Variants in ZNF227 observed in about 807,000 individuals in gnomAD.
The protein encoded by ZNF227 is zinc finger protein 227.
ZNF227 carries 12 observed loss-of-function variants against 13.2 expected under a neutral mutation model. The observed-to-expected ratio is 0.91, with a 90% CI of 0.58 to 1.47. ZNF227 has a LOEUF of 1.47. Ranked by LOEUF, ZNF227 falls within the 40% of genes most tolerant of loss-of-function variation. The pLI is 0.00. For missense variants in ZNF227, 885 were observed against 967.5 expected (o/e 0.91, Z 1.13); for synonymous variants, 338 against 326.0 (o/e 1.04, Z -0.40).
chr19:44,228,862 G>A (rs745802085), intron 4 of ZNF227: 29 of 420,878 alleles, frequency 6.9e-5, no homozygotes, highest in African/African-American at 5.7e-4. Flanking sequence ...GCATTTTGTG[G>A]GTAGTATCCA....
rs1424370771 is a variant in ZNF227 at position 44,230,939 on chromosome 19, A to C, written c.271+1123A>C. On this transcript the variant is annotated intron_variant, in intron 5 of 5. Transcript: ENST00000313040. ...AAAAAAAAAAAAAATATATATATAT[A>C]TATATATATATATATCTTAGCCAGG... Among the ~76,000 whole-genome samples the C allele has an allele frequency of 5.4e-4, 73 of 135,630 alleles. 2 individuals carry two copies. The highest frequency in any genetic ancestry group is 1.7e-3 in the African/African-American group (56 of 33,154). 89.0% of individuals were successfully genotyped at this position (135,630 alleles called of 152,430 possible).
chr19:44,223,899 T>C (rs1216425061), intron 3 of ZNF227, among the ~76,000 whole-genome samples: 1 of 152,198 alleles, frequency 6.6e-6, no homozygotes, highest in Non-Finnish European at 1.5e-5. Flanking sequence ...CTTGTGGGCA[T>C]TTAGTGCTAT....
Position 44,236,796 on chromosome 19 carries a change from A to G in ZNF227, c.2366A>G (p.Tyr789Cys). The change falls in exon 6 of 6, where the codon TAT becomes TGT. Residue 789 changes from tyrosine to cysteine, a missense_variant. Coordinates refer to ENST00000313040, the MANE Select transcript of ZNF227 (RefSeq NM_182490.3). ...KDFRHRSRLT[Y>C]HQKVHTGKKL is the part of the protein sequence containing the mutation. ...TTCCGTCACCGTTCACGTCTTACAT[A>G]TCATCAGAAAGTCCATACTGGTAAA... is the stretch of plus-strand genomic sequence containing the variant. 6.3e-7 allele frequency: 1 copy of G among 1,596,212 alleles called. No individual in the cohort carries two copies. The highest frequency in any genetic ancestry group is 8.5e-7 in the Non-Finnish European group (1 of 1,171,690).
chr19:44,217,721 C>G (rs1972037986), intron 2 of ZNF227, 70 bp from the exon 3 acceptor site: 3 of 1,536,052 alleles, frequency 2.0e-6, no homozygotes, highest in Non-Finnish European at 2.7e-6. Flanking sequence ...GGCTATTTCT[C>G]TAATTTCCTC....
chr19:44,223,597 G>C (rs1972777958), intron 3 of ZNF227, among the ~76,000 whole-genome samples: 1 of 152,190 alleles, frequency 6.6e-6, no homozygotes, highest in African/African-American at 2.4e-5. Context: ...ATTTCTGTGG[G>C]ATCAGTGGTG....
upstream of ZNF227, among the ~76,000 whole-genome samples, chr19:44,210,612 G>T (rs1197990777): frequency 1.3e-5 from 2 of 152,316 alleles, no homozygotes; most frequent in Admixed American, 1.3e-4. Flanking sequence ...AGAGTAGCAG[G>T]TTATGACAGA....
At chr19:44,217,008 G>A (rs1179649243) in intron 2 of ZNF227, among the ~76,000 whole-genome samples, 1 of 140,962 alleles carries the variant, frequency 7.1e-6, no homozygotes, top group African/African-American at 2.7e-5. Flanking sequence ...TGTCATCCAG[G>A]TTGGAGTTCA....
At position 44,236,506 on chromosome 19, in the gene ZNF227, G is replaced by C; in HGVS notation, c.2076G>C (p.Glu692Asp). Reference sequence around the variant, plus strand: ...GAGAAAAACCTTACAAATGTGAAGAGTGTGGGAAAGGCTTTGGTAGGAGCT... The same window carrying C: ...GAGAAAAACCTTACAAATGTGAAGACTGTGGGAAAGGCTTTGGTAGGAGCT... ...HTGEKPYKCE[E>D]CGKGFGRSLN... The change falls in exon 6 of 6, where the codon GAG becomes GAC. Residue 692 changes from glutamate to aspartate, a missense_variant. By Grantham distance (45) the Glu-to-Asp change is conservative. Transcript: ENST00000313040. 1 of 1,613,662 alleles carries C rather than the reference G, an allele frequency of 6.2e-7. No homozygotes were observed. Among genetic ancestry groups the C allele is most frequent in the South Asian group, 1.1e-5 (1 of 91,066 alleles).
At position 44,228,573 on chromosome 19, in the gene ZNF227, G is replaced by C; in HGVS notation, c.187+1G>C. ...AACTTCAAGAACCTGGTTGCAGTGG[G>C]TGAGGACAGGCACTCTCTGACCCTG... On this transcript the variant is annotated splice_donor_variant, in intron 4 of 5. Transcript: ENST00000313040. LOFTEE classifies it high-confidence loss of function. 1 of 1,610,208 alleles carries C rather than the reference G, an allele frequency of 6.2e-7. No homozygotes were observed. Among genetic ancestry groups the C allele is most frequent in the Non-Finnish European group, 8.5e-7 (1 of 1,178,738 alleles).
upstream of ZNF227, among the ~76,000 whole-genome samples, chr19:44,209,792 T>C (rs376478938): frequency 3.9e-5 from 6 of 152,166 alleles, no homozygotes; most frequent in East Asian, 1.2e-3. Flanking sequence ...TTCACCGTGT[T>C]AGCCAGGATG....
chr19:44,214,677 C>T (rs1454321493), intron 2 of ZNF227, among the ~76,000 whole-genome samples: 2 of 152,072 alleles, frequency 1.3e-5, no homozygotes, highest in Non-Finnish European at 2.9e-5. Flanking sequence ...TGCGCCCAGC[C>T]GAAAAATTTC....
At position 44,235,751 on chromosome 19, in the gene ZNF227, T is replaced by C. The variant is rs748790757; in HGVS notation, c.1321T>C (p.Cys441Arg). The change falls in exon 6 of 6, where the codon TGT becomes CGT. Residue 441 changes from cysteine (C) to arginine (R), a missense_variant. By Grantham distance (180) the Cys-to-Arg change is radical. Coordinates refer to ENST00000313040, the MANE Select transcript of ZNF227 (RefSeq NM_182490.3). ...TGEKPYKCDV[C>R]GKGFSHNSPL... ...AGAGAAACCCTACAAGTGTGATGTG[T>C]GTGGTAAGGGCTTCAGCCACAATTC... is the stretch of plus-strand genomic sequence containing the variant. 3 of 1,613,838 alleles carry C rather than the reference T, an allele frequency of 1.9e-6. No homozygotes were observed. The highest frequency in any genetic ancestry group is 2.5e-6 in the Non-Finnish European group (3 of 1,179,980).
At chr19:44,230,926 A>AAAAAAAAAAAAATATATAT (rs1555792168) in intron 5 of ZNF227, among the ~76,000 whole-genome samples, 2 of 68,136 alleles carry the variant, frequency 2.9e-5, no homozygotes, top group African/African-American at 2.0e-4. Context: ...AAAAAAAAAA[A>AAAAAAAAAAAAATATATAT]ATATATATAT....
chr19:44,233,907 T>A (rs974437266), intron 5 of ZNF227, among the ~76,000 whole-genome samples: 17 of 150,658 alleles, frequency 1.1e-4, no homozygotes, highest in African/African-American at 2.9e-4. Context: ...AAAAAAAAAA[T>A]GGCGTATGGT....
At chr19:44,217,401 C>G in intron 2 of ZNF227, 2 of 471,484 alleles carry the variant, frequency 4.2e-6, no homozygotes, top group Non-Finnish European at 8.4e-6. Context: ...TGATTCTTAC[C>G]ATATCCTCAT....
At position 44,236,632 on chromosome 19, in the gene ZNF227, C is replaced by T. The variant is rs1974537994; in HGVS notation, c.2202C>T (p.His734=). ...GTCTCCCCTCAAATCTTCGAGTCCA[C>T]CTGGGTGTTCACACCAGGGAAAAAC... The part of the protein sequence containing the change: ...AFSLPSNLRV[H]LGVHTREKLF... Residue 734 remains histidine, a synonymous_variant, in exon 6 of 6, where the codon CAC becomes CAT. Transcript: ENST00000313040. The T allele has an allele frequency of 6.2e-7, 1 of 1,613,360 alleles. No individual in the cohort carries two copies. The highest frequency in any genetic ancestry group is 8.5e-7 in the Non-Finnish European group (1 of 1,179,882).
At chr19:44,233,180 T>TA (rs1974033296) in intron 5 of ZNF227, among the ~76,000 whole-genome samples, 1 of 152,136 alleles carries the variant, frequency 6.6e-6, no homozygotes, top group South Asian at 2.1e-4. Flanking sequence ...AACCACCCCC[T>TA]AAACATTTTA....
chr19:44,230,920 A>T (rs1338418727), intron 5 of ZNF227, among the ~76,000 whole-genome samples: 4 of 111,828 alleles, frequency 3.6e-5, no homozygotes, highest in African/African-American at 1.8e-4. Context: ...AAAAAAAAAA[A>T]AAAAAAATAT....
At chr19:44,226,967 T>C (rs1413388021) in intron 3 of ZNF227, among the ~76,000 whole-genome samples, 1 of 152,226 alleles carries the variant, frequency 6.6e-6, no homozygotes, top group Non-Finnish European at 1.5e-5. Flanking sequence ...TTGCAGTTGC[T>C]ACTTCTTGGC....
Sources: allele counts gnomAD v4.1 joint callset (sites outside exome capture counted in the v4.1 genomes callset), GRCh38; gene constraint gnomAD v4.1.1; transcripts MANE v1.5; gene names NCBI Gene and HGNC (gene_info 2026-07-23, HGNC 2026-07-21).